RGL1: variants seen among roughly 807,000 people sequenced by gnomAD.
RGL1 encodes the protein ral guanine nucleotide dissociation stimulator like 1.
Under a neutral mutation model 95.2 loss-of-function variants are expected in RGL1, and 24 were observed. The ratio of observed to expected loss-of-function variants is 0.25; its 90% CI spans 0.18 to 0.35. The LOEUF (loss-of-function observed/expected upper bound fraction) is 0.35, where lower values mean the gene tolerates loss of function less well. RGL1 is among the 10% of genes least tolerant of loss of function. The probability of loss-of-function intolerance (pLI) is 1.00; values close to 1 mark genes in which losing one functional copy is unlikely to be tolerated. For missense variants in RGL1, 715 were observed against 936.3 expected (o/e 0.76, Z 3.08); for synonymous variants, 329 against 344.9 (o/e 0.95, Z 0.51).
chr1:183,673,908 C>G (rs79880648), intron 1 of RGL1, among the ~76,000 whole-genome samples: 1,977 of 152,248 alleles, frequency 0.013, 52 homozygotes, highest in African/African-American at 0.046. Flanking sequence ...CTTCACCCTG[C>G]TTGGCTTGGT....
intron 1 of RGL1, among the ~76,000 whole-genome samples, chr1:183,716,812 G>A (rs6424907): frequency 0.7 from 105,766 of 152,126 alleles, 37,142 homozygotes; most frequent in East Asian, 0.91. Flanking sequence ...CTAGAATTCT[G>A]TGTCTCTGTT....
chr1:183,784,293 G>A (rs1660044379), intron 2 of RGL1, among the ~76,000 whole-genome samples: 1 of 152,204 alleles, frequency 6.6e-6, no homozygotes, highest in Admixed American at 6.5e-5. Context: ...GAAGGTGCCT[G>A]ATACTGGGAA....
chr1:183,645,332 G>T (rs77259540), intron 1 of RGL1, among the ~76,000 whole-genome samples: 1,924 of 152,214 alleles, frequency 0.013, 46 homozygotes, highest in African/African-American at 0.044. Flanking sequence ...TACTTACTAA[G>T]TAGGTAGTTG....
At chr1:183,673,299 AAC>A (rs1652595652) in intron 1 of RGL1, among the ~76,000 whole-genome samples, 1 of 152,208 alleles carries the variant, frequency 6.6e-6, no homozygotes, top group Non-Finnish European at 1.5e-5. Context: ...TGGGTTCCTG[AAC>A]TATATAGGTA....
At chr1:183,749,349 CA>C (rs1249034027) in intron 2 of RGL1, among the ~76,000 whole-genome samples, 13 of 152,146 alleles carry the variant, frequency 8.5e-5, no homozygotes, top group Non-Finnish European at 1.8e-4. Context: ...CTTCTTGTTG[CA>C]TCGATCCCTT....
intron 1 of RGL1, among the ~76,000 whole-genome samples, chr1:183,673,885 C>A (rs1355177890): frequency 1.3e-5 from 2 of 152,140 alleles, no homozygotes; most frequent in Non-Finnish European, 2.9e-5. Context: ...GCCCCTGGAG[C>A]TTGTATGTGT....
chr1:183,774,300 A>T (rs1659470438), intron 2 of RGL1, among the ~76,000 whole-genome samples: 1 of 152,196 alleles, frequency 6.6e-6, no homozygotes, highest in South Asian at 2.1e-4. Flanking sequence ...AAGACATATA[A>T]ATAAATGTTT....
chr1:183,647,877 G>A (rs747611884), intron 1 of RGL1: 1 of 1,614,144 alleles, frequency 6.2e-7, no homozygotes, highest in Non-Finnish European at 8.5e-7. Context: ...ATGCATTGGT[G>A]GTAAGTCCCT....
chr1:183,912,028 C>A, intron 14 of RGL1, 54 bp from the exon 15 acceptor site: 4 of 1,520,054 alleles, frequency 2.6e-6, no homozygotes, highest in Non-Finnish European at 3.6e-6. Context: ...TTTGCCTAAT[C>A]ATGGATTCCA....
At chr1:183,833,087 A>T (rs1663373502) in intron 2 of RGL1, among the ~76,000 whole-genome samples, 1 of 152,180 alleles carries the variant, frequency 6.6e-6, no homozygotes, top group Non-Finnish European at 1.5e-5. Flanking sequence ...TTTGCTTGAA[A>T]GCCTCTCAGG....
intron 3 of RGL1, among the ~76,000 whole-genome samples, chr1:183,859,354 GT>G (rs1261475779): frequency 6.6e-6 from 1 of 152,234 alleles, no homozygotes; most frequent in Non-Finnish European, 1.5e-5. Context: ...TGAGATATAA[GT>G]TGTGGCAGGA....
intron 15 of RGL1, among the ~76,000 whole-genome samples, chr1:183,912,931 A>G (rs1558290923): frequency 6.6e-6 from 1 of 152,212 alleles, no homozygotes; most frequent in Admixed American, 6.5e-5. Context: ...CACATTCCAC[A>G]TAAGTAAATG....
At chr1:183,769,607 A>G (rs1310355776) in intron 2 of RGL1, among the ~76,000 whole-genome samples, 1 of 152,240 alleles carries the variant, frequency 6.6e-6, no homozygotes, top group Admixed American at 6.5e-5. Context: ...ATGATACACA[A>G]ACATAAAGCT....
At chr1:183,821,222 G>A (rs1298969675) in intron 2 of RGL1, among the ~76,000 whole-genome samples, 2 of 152,032 alleles carry the variant, frequency 1.3e-5, no homozygotes, top group East Asian at 1.9e-4. Context: ...ATTGCCTATG[G>A]CTAGCATTAT....
chr1:183,711,566 GA>G (rs1193715277), intron 1 of RGL1, among the ~76,000 whole-genome samples: 1 of 152,178 alleles, frequency 6.6e-6, no homozygotes, highest in Non-Finnish European at 1.5e-5. Flanking sequence ...TAGTAAGGTT[GA>G]ATGGGGTACA....
At chr1:183,717,970 G>T (rs1558169898) in intron 1 of RGL1, among the ~76,000 whole-genome samples, 1 of 152,146 alleles carries the variant, frequency 6.6e-6, no homozygotes, top group South Asian at 2.1e-4. Flanking sequence ...TTCATGGCTG[G>T]GTGCGGTGGC....
intron 1 of RGL1, among the ~76,000 whole-genome samples, chr1:183,655,528 T>G (rs1163784404): frequency 1.3e-5 from 2 of 152,162 alleles, no homozygotes. Context: ...ATCAGAAGAT[T>G]AAGTAGATTT....
rs551959538 is a variant in RGL1 at position 183,732,599 on chromosome 1, C to T, written c.-32-9527C>T. On this transcript the variant is annotated intron_variant, in intron 1 of 18. Transcript: ENST00000304685. The stretch of plus-strand genomic sequence containing the variant: ...GAACACAGCCACATCTGTCAAAACT[C>T]TAACCCTTAACCTTAGTGAAAATAT... Among the ~76,000 whole-genome samples the T allele has an allele frequency of 1.0e-3, 153 of 152,272 alleles. 1 individual carries two copies. The highest frequency in any genetic ancestry group is 3.7e-3 in the Admixed American group (56 of 15,282).
At chr1:183,906,847 G>A (rs533068651) in intron 13 of RGL1, among the ~76,000 whole-genome samples, 165 bp from the exon 14 acceptor site, 1 of 152,314 alleles carries the variant, frequency 6.6e-6, no homozygotes, top group African/African-American at 2.4e-5. Context: ...AAATCGGGCC[G>A]TGAAGTCAGT....
Sources: gnomAD v4.1 joint callset for allele counts (sites outside exome capture counted in the v4.1 genomes callset) on GRCh38, gnomAD v4.1.1 for gene constraint, MANE v1.5 for transcripts, NCBI Gene and HGNC (gene_info 2026-07-23, HGNC 2026-07-21) for gene names.